PAN3: variants seen among roughly 807,000 people sequenced by gnomAD.
PAN3 encodes the protein poly(A) specific ribonuclease subunit PAN3.
In PAN3, 19 loss-of-function variants were observed where a neutral mutation model predicts 96.2. The observed-to-expected ratio is 0.20, with a 90% CI of 0.14 to 0.29. PAN3 has a LOEUF of 0.29. PAN3 is among the 10% of genes least tolerant of loss of function. The pLI is 1.00. For synonymous variants in PAN3, 433 were observed against 406.6 expected (o/e 1.06, Z -0.78); for missense variants, 882 against 1,108.1 (o/e 0.80, Z 2.90).
intron 6 of PAN3, among the ~76,000 whole-genome samples, chr13:28,247,245 C>T (rs1353271313): frequency 6.6e-6 from 1 of 151,878 alleles, no homozygotes; most frequent in Admixed American, 6.6e-5. Flanking sequence ...GATCTTTTGC[C>T]TATTTTAAAA....
intron 1 of PAN3, among the ~76,000 whole-genome samples, chr13:28,166,964 C>A (rs145549416): frequency 6.6e-6 from 1 of 152,156 alleles, no homozygotes; most frequent in African/African-American, 2.4e-5. Flanking sequence ...TAGGGAGTAG[C>A]AGCCTTGAAG....
At chr13:28,186,622 A>G (rs1267284847) in intron 4 of PAN3, among the ~76,000 whole-genome samples, 1 of 152,220 alleles carries the variant, frequency 6.6e-6, no homozygotes, top group Non-Finnish European at 1.5e-5. Flanking sequence ...TTATAATAAA[A>G]CTCATTTCTG....
In PAN3 at chr13:28,224,843, C is replaced by T. The variant is rs1881827415; in HGVS notation, c.1000+4465C>T. Among the ~76,000 whole-genome samples, 5 of 152,120 alleles carry T rather than the reference C, an allele frequency of 3.3e-5. 1 individual carries two copies. In the South Asian group the frequency reaches 1.0e-3, roughly 31 times the overall value. On this transcript the variant is annotated intron_variant, in intron 6 of 18. Transcript: ENST00000380958. ...CTCACTATATTTTCCAGGCTGGTCT[C>T]AAACTAGCCTCAAGTGATCCTTTCT...
rs377037576 is a variant in PAN3 at position 28,257,440 on chromosome 13, C to G, written c.1248+901C>G. Among the ~76,000 whole-genome samples the G allele has an allele frequency of 5.3e-5, 8 of 151,352 alleles. No homozygotes were observed. The East Asian group carries it at 1.6e-3, about 29-fold the overall frequency. ...GTCAGAGTCCACTAAAACAGGGGTCCTCAATCCTTGGACCAGAGACCAGTG... is the reference window on the plus strand; with the variant it reads ...GTCAGAGTCCACTAAAACAGGGGTCGTCAATCCTTGGACCAGAGACCAGTG... On this transcript the variant is annotated intron_variant, in intron 7 of 18. Coordinates refer to ENST00000380958, the MANE Select transcript of PAN3 (RefSeq NM_175854.8).
chr13:28,216,112 T>C (rs1200034967), intron 5 of PAN3, among the ~76,000 whole-genome samples: 2 of 143,226 alleles, frequency 1.4e-5, no homozygotes, highest in Non-Finnish European at 3.0e-5. Flanking sequence ...GTTTTACTAG[T>C]TTTTTAAATC....
At chr13:28,188,287 C>G (rs1313735498) in intron 4 of PAN3, among the ~76,000 whole-genome samples, 5 of 152,002 alleles carry the variant, frequency 3.3e-5, no homozygotes, top group African/African-American at 1.2e-4. Context: ...TAATGAGCTT[C>G]TTTCTGTTCA....
At chr13:28,171,985 G>A (rs911188609) in intron 1 of PAN3, among the ~76,000 whole-genome samples, 1 of 152,290 alleles carries the variant, frequency 6.6e-6, no homozygotes, top group African/African-American at 2.4e-5. Context: ...GTTAGGAACC[G>A]AGGTCAGAGA....
chr13:28,236,971 G>A (rs1249328544), intron 6 of PAN3, among the ~76,000 whole-genome samples: 1 of 152,188 alleles, frequency 6.6e-6, no homozygotes, highest in Non-Finnish European at 1.5e-5. Flanking sequence ...GATTTTGCAT[G>A]ACTATTTAGA....
At chr13:28,266,648 T>C (rs1360621760) in intron 9 of PAN3, 67 bp from the exon 10 acceptor site, 1 of 1,270,796 alleles carries the variant, frequency 7.9e-7, no homozygotes, top group Non-Finnish European at 1.1e-6. Context: ...TATCATGTCT[T>C]CTGTATTTTT....
intron 6 of PAN3, among the ~76,000 whole-genome samples, chr13:28,244,671 T>C (rs1368732486): frequency 6.6e-6 from 1 of 152,146 alleles, no homozygotes; most frequent in Non-Finnish European, 1.5e-5. Context: ...TTTCAGTGTC[T>C]AATGGTGTTA....
At chr13:28,249,779 C>T (rs910713383) in intron 6 of PAN3, among the ~76,000 whole-genome samples, 2 of 152,088 alleles carry the variant, frequency 1.3e-5, no homozygotes, top group Non-Finnish European at 2.9e-5. Flanking sequence ...TTTGAGCCTT[C>T]CTGTCCCCCT....
chr13:28,218,212 G>A (rs1881024156), intron 5 of PAN3, among the ~76,000 whole-genome samples: 1 of 151,852 alleles, frequency 6.6e-6, no homozygotes, highest in African/African-American at 2.4e-5. Flanking sequence ...TTCTAGGTAA[G>A]GTCTTAATTT....
chr13:28,292,965 G>T lies in PAN3; in HGVS notation c.*443G>T, dbSNP rs1461342731. 6.5e-6 allele frequency: 1 copy of T among 153,024 alleles called. No individual in the cohort carries two copies. The highest frequency in any genetic ancestry group is 1.5e-5 in the Non-Finnish European group (1 of 68,658). 9.5% of individuals were successfully genotyped at this position (153,024 alleles called of 1,614,324 possible). A position where few individuals can be genotyped will look rare whatever the true frequency, so the allele number is the denominator to read the frequency against. ...GCAGAATTTGCTCTTTTTGGGATGG[G>T]TTGCCCTGAATAACATTACGGACCA... On this transcript the variant is annotated 3_prime_UTR_variant, in exon 19 of 19. Transcript: ENST00000380958.
chr13:28,149,881 T>C (rs952214671), intron 1 of PAN3, among the ~76,000 whole-genome samples: 2 of 152,130 alleles, frequency 1.3e-5, no homozygotes, highest in African/African-American at 4.8e-5. Flanking sequence ...TTGGCCAAAG[T>C]GTTGTGCTGG....
At chr13:28,236,396 A>G (rs1883115042) in intron 6 of PAN3, among the ~76,000 whole-genome samples, 1 of 152,178 alleles carries the variant, frequency 6.6e-6, no homozygotes, top group Non-Finnish European at 1.5e-5. Context: ...CTTTATCTAT[A>G]TTTTTAAAAA....
At chr13:28,250,781 G>A (rs1365894795) in intron 6 of PAN3, among the ~76,000 whole-genome samples, 4 of 152,190 alleles carry the variant, frequency 2.6e-5, no homozygotes, top group African/African-American at 9.7e-5. Flanking sequence ...TGGGATTACA[G>A]GTCTGAGCTA....
chr13:28,277,123 C>A, intron 14 of PAN3, 114 bp from the exon 15 acceptor site: 1 of 1,063,352 alleles, frequency 9.4e-7, no homozygotes, highest in Non-Finnish European at 1.3e-6. Context: ...ATTTGAGGAC[C>A]CTGCCTGCAG....
chr13:28,273,132 TAGTC>T (rs1886770942), intron 14 of PAN3, among the ~76,000 whole-genome samples: 1 of 152,240 alleles, frequency 6.6e-6, no homozygotes, highest in African/African-American at 2.4e-5. Flanking sequence ...TTTTTTTATT[TAGTC>T]AGAACATACC....
intron 5 of PAN3, among the ~76,000 whole-genome samples, chr13:28,219,270 G>A (rs1881129685): frequency 6.6e-6 from 1 of 152,132 alleles, no homozygotes; most frequent in Non-Finnish European, 1.5e-5. Context: ...TAGTTCTAGT[G>A]TATTTTAATT....
Sources: allele counts gnomAD v4.1 joint callset (sites outside exome capture counted in the v4.1 genomes callset), GRCh38; gene constraint gnomAD v4.1.1; transcripts MANE v1.5; gene names NCBI Gene and HGNC (gene_info 2026-07-23, HGNC 2026-07-21).